The following ABHD3 variants were observed in gnomAD, a reference collection of about 807,000 sequenced individuals.
ABHD3 encodes the protein phospholipase ABHD3.
A neutral mutation model predicts 48.8 loss-of-function variants in ABHD3; 46 were observed. The observed-to-expected ratio is 0.94, with a 90% CI of 0.74 to 1.20. ABHD3 has a LOEUF of 1.20. Ranked by LOEUF, ABHD3 falls within the 50% of genes most tolerant of loss-of-function variation. ABHD3 has a pLI of 0.00. For synonymous variants in ABHD3, 192 were observed against 183.7 expected (o/e 1.04, Z -0.36); for missense variants, 490 against 497.8 (o/e 0.98, Z 0.15).
In ABHD3 at chr18:21,658,443, T is replaced by C. The variant is rs139984780; in HGVS notation, c.842+727A>G. Among the ~76,000 whole-genome samples the C allele has an allele frequency of 5.6e-4, 85 of 152,276 alleles. No individual in the cohort carries two copies. In the East Asian group the frequency reaches 0.015, roughly 26 times the overall value. On this transcript the variant is annotated intron_variant, in intron 6 of 8. Coordinates refer to ENST00000289119, the MANE Select transcript of ABHD3 (RefSeq NM_138340.5). ...AGGAAAGACTTAGGTATTACTAAGATTAGCAACAAGTAGAAAATCCAGGGA... is the reference window on the plus strand; with the variant it reads ...AGGAAAGACTTAGGTATTACTAAGACTAGCAACAAGTAGAAAATCCAGGGA...
Position 21,704,522 on chromosome 18 carries a change from G to C in ABHD3, c.144C>G (p.Tyr48Ter), listed in dbSNP as rs965046405. The C allele has an allele frequency of 6.7e-7, 1 of 1,494,816 alleles. No homozygotes were observed. Among genetic ancestry groups the C allele is most frequent in the Non-Finnish European group, 8.9e-7 (1 of 1,120,058 alleles). 92.6% of individuals were successfully genotyped at this position (1,494,816 alleles called of 1,614,324 possible). ...GGCTCACCTTGGCAATGCTGCTCAG[G>C]TAGTAGAAGGCATAAGCGACGCTGA... is the stretch of plus-strand genomic sequence containing the variant. ...LGFSVAYAFY[Y>*]LSSIAKKPQL... The change falls in exon 1 of 9, where the codon TAC becomes TAG. Residue 48 changes from tyrosine (Y) to a stop codon, truncating the protein, a stop_gained. Transcript: ENST00000289119. LOFTEE classifies it high-confidence loss of function.
At chr18:21,699,641 C>T (rs975667182) in intron 3 of ABHD3, among the ~76,000 whole-genome samples, 1 of 152,174 alleles carries the variant, frequency 6.6e-6, no homozygotes, top group Non-Finnish European at 1.5e-5. Context: ...GAGTTCTCAG[C>T]CTGGGCCTCA....
chr18:21,704,389 G>A (rs1425489551), intron 1 of ABHD3, 115 bp downstream of exon 1: 5 of 1,116,736 alleles, frequency 4.5e-6, no homozygotes, highest in Non-Finnish European at 4.6e-6. Flanking sequence ...CTCGGGAGCA[G>A]CTCGCCGCCT....
At chr18:21,687,704 G>A (rs1281004432) in intron 3 of ABHD3, among the ~76,000 whole-genome samples, 1 of 152,156 alleles carries the variant, frequency 6.6e-6, no homozygotes, top group Non-Finnish European at 1.5e-5. Flanking sequence ...AACAGATCTG[G>A]TAAGAAGAAC....
chr18:21,677,421 G>A (rs2039909227), intron 4 of ABHD3, among the ~76,000 whole-genome samples: 1 of 149,894 alleles, frequency 6.7e-6, no homozygotes, highest in African/African-American at 2.5e-5. Context: ...TAGCCAGGAT[G>A]GTCTCGATCT....
chr18:21,703,962 G>T, intron 1 of ABHD3: 1 of 551,444 alleles, frequency 1.8e-6, no homozygotes, highest in Non-Finnish European at 3.2e-6. Context: ...AAGGGAGTTT[G>T]TTTGTTTTTA....
At chr18:21,662,509 G>C (rs186996272) in intron 5 of ABHD3, 1 of 152,410 alleles carries the variant, frequency 6.6e-6, no homozygotes, top group East Asian at 1.9e-4. Flanking sequence ...GATGAAACGA[G>C]ATGATCCATG....
At chr18:21,683,549 CAG>C (rs1177835842) in intron 4 of ABHD3, 1 of 510,138 alleles carries the variant, frequency 2.0e-6, no homozygotes, top group African/African-American at 2.0e-5. Context: ...CAGTTCTTCC[CAG>C]AGTCAGGAAA....
chr18:21,680,960 T>C (rs1176100801), intron 4 of ABHD3, among the ~76,000 whole-genome samples: 5 of 151,828 alleles, frequency 3.3e-5, no homozygotes, highest in Admixed American at 3.3e-4. Flanking sequence ...ACTTCTGGGC[T>C]CAAGTGATCC....
rs549694392 is a variant in ABHD3 at position 21,674,559 on chromosome 18, C to T, written c.555+9361G>A. On this transcript the variant is annotated intron_variant, in intron 4 of 8. Coordinates refer to ENST00000289119, the MANE Select transcript of ABHD3 (RefSeq NM_138340.5). ...CACCACACCTGGTCACAATCTTCTA[C>T]GTTTAAAATTTTTGTTATTATTGGA... is the stretch of plus-strand genomic sequence containing the variant. Among the ~76,000 whole-genome samples the T allele has an allele frequency of 2.0e-5, 3 of 152,132 alleles. 1 individual carries two copies. The highest frequency in any genetic ancestry group is 4.8e-5 in the African/African-American group (2 of 41,526).
chr18:21,663,680 G>A, intron 5 of ABHD3: 1 of 1,535,358 alleles, frequency 6.5e-7, no homozygotes. Context: ...AATACCACCT[G>A]GGGAAAAATA....
intron 3 of ABHD3, among the ~76,000 whole-genome samples, chr18:21,693,986 C>A (rs1370311052): frequency 2.0e-5 from 3 of 152,168 alleles, no homozygotes; most frequent in Non-Finnish European, 4.4e-5. Context: ...CTGTCCCCCA[C>A]CAAGGCACCT....
chr18:21,686,825 C>CT (rs2040138183), intron 3 of ABHD3, among the ~76,000 whole-genome samples: 1 of 152,220 alleles, frequency 6.6e-6, no homozygotes, highest in Non-Finnish European at 1.5e-5. Flanking sequence ...CATTTAACCC[C>CT]TTTGCTACTC....
In ABHD3 at chr18:21,698,376, G is replaced by A. The variant is rs1355177492; in HGVS notation, c.509+3940C>T. 4.6e-5 allele frequency among the ~76,000 whole-genome samples: 7 copies of A among 151,000 alleles called. No homozygotes were observed. In the South Asian group the frequency reaches 8.4e-4, roughly 18 times the overall value. On this transcript the variant is annotated intron_variant, in intron 3 of 8. Transcript: ENST00000289119. The stretch of plus-strand genomic sequence containing the variant: ...AAGTTTTTGTAGTTTTAGTAGAGAC[G>A]GGGTTTCACCATGTTGGCCAGGCTG...
intron 3 of ABHD3, among the ~76,000 whole-genome samples, chr18:21,687,918 T>G (rs1031918376): frequency 6.6e-6 from 1 of 152,212 alleles, no homozygotes; most frequent in Admixed American, 6.5e-5. Flanking sequence ...ACCAACTAGA[T>G]GCCAGTAGCA....
chr18:21,691,172 T>C (rs192796730), intron 3 of ABHD3, among the ~76,000 whole-genome samples: 5 of 152,256 alleles, frequency 3.3e-5, no homozygotes, highest in African/African-American at 1.2e-4. Flanking sequence ...GCAAACTTCA[T>C]GACAAGAGGT....
chr18:21,657,292 G>A lies in ABHD3; in HGVS notation c.843-140C>T, dbSNP rs182404889. ...AATAAATATTTGCTTAATCAGGTAC[G>A]GCAGGATTAGAATAATAATGTTTGT... On this transcript the variant is annotated intron_variant, in intron 6 of 8. Coordinates refer to ENST00000289119, the MANE Select transcript of ABHD3 (RefSeq NM_138340.5). The A allele has an allele frequency of 1.2e-3, 796 of 670,584 alleles. 11 individuals are homozygous for A. The East Asian group carries it at 0.019, about 16-fold the overall frequency. 41.5% of individuals were successfully genotyped at this position (670,584 alleles called of 1,614,324 possible).
chr18:21,694,035 T>C (rs1384864834), intron 3 of ABHD3, among the ~76,000 whole-genome samples: 1 of 152,216 alleles, frequency 6.6e-6, no homozygotes, highest in Non-Finnish European at 1.5e-5. Flanking sequence ...TCTAGAGCTA[T>C]GATAACTTCA....
At chr18:21,693,717 T>C (rs1361571902) in intron 3 of ABHD3, among the ~76,000 whole-genome samples, 3 of 152,236 alleles carry the variant, frequency 2.0e-5, no homozygotes, top group African/African-American at 7.2e-5. Context: ...TTACTCAATC[T>C]GGCTAGTCTC....
Sources: gnomAD v4.1 joint callset for allele counts (sites outside exome capture counted in the v4.1 genomes callset) on GRCh38, gnomAD v4.1.1 for gene constraint, MANE v1.5 for transcripts, NCBI Gene and HGNC (gene_info 2026-07-23, HGNC 2026-07-21) for gene names.